PCDHGA4: variants seen among roughly 807,000 people sequenced by gnomAD.
The protein encoded by PCDHGA4 is protocadherin gamma subfamily A, 4, also known as protocadherin gamma-A4.
In PCDHGA4, 38 loss-of-function variants were observed where a neutral mutation model predicts 54.6. The ratio of observed to expected loss-of-function variants is 0.70; its 90% CI spans 0.54 to 0.91. The LOEUF (loss-of-function observed/expected upper bound fraction) is 0.91. Ranked by LOEUF, PCDHGA4 falls within the 40% of genes least tolerant of loss-of-function variation. The probability of loss-of-function intolerance (pLI) is 0.00; values close to 1 mark genes in which losing one functional copy is unlikely to be tolerated. For synonymous variants in PCDHGA4, 511 were observed against 512.9 expected (o/e 1.00, Z 0.05); for missense variants, 1,298 against 1,220.9 (o/e 1.06, Z -0.94).
intron 1 of PCDHGA4, chr5:141,419,499 G>A: frequency 6.2e-7 from 1 of 1,612,368 alleles, no homozygotes; most frequent in Non-Finnish European, 8.5e-7. Context: ...GCCAATGTGA[G>A]CCTGCGCGTG....
rs781026604 is a variant in PCDHGA4, at chr5:141,490,471, C to G, written c.2515-4336C>G. ...CCACTACTCGCTGCTAACCAGCCAG[C>G]CTTTGGACCGGGAGGCCACATCCCA... On this transcript the variant is annotated intron_variant, in intron 1 of 3. Coordinates refer to ENST00000571252, the MANE Select transcript of PCDHGA4 (RefSeq NM_018917.4). The surrounding 1 kb of genome is among the most constrained non-coding windows in gnomAD (Gnocchi z 5.4). 12 of 1,614,096 alleles carry G rather than the reference C, an allele frequency of 7.4e-6. No homozygotes were observed. The highest frequency in any genetic ancestry group is 1.1e-5 in the South Asian group (1 of 91,092).
Position 141,477,202 on chromosome 5 carries a change from C to G in PCDHGA4, c.2515-17605C>G. 1 of 1,614,182 alleles carries G rather than the reference C, an allele frequency of 6.2e-7. No homozygotes were observed. The highest frequency in any genetic ancestry group is 1.1e-5 in the South Asian group (1 of 91,074). On this transcript the variant is annotated intron_variant, in intron 1 of 3. Transcript: ENST00000571252. This position sits in a 1 kb window ranked among gnomAD's most constrained non-coding sequence, Gnocchi z 4.9. ...TCACCTCCGTGTACAGCCCAGTACC[C>G]GAGGATGCCCCTCTGGGGACTGTCA...
At position 141,433,275 on chromosome 5, in the gene PCDHGA4, C is replaced by G. The variant is rs1173546273; in HGVS notation, c.2515-61532C>G. 1.5e-5 allele frequency: 19 copies of G among 1,229,998 alleles called. No homozygotes were observed. In the East Asian group the frequency reaches 3.6e-4, roughly 23 times the overall value. The allele number at this position is 1,229,998 out of a possible 1,614,324, so 76.2% of individuals were successfully genotyped here. A position where few individuals can be genotyped will look rare whatever the true frequency, so the allele number is the denominator to read the frequency against. On this transcript the variant is annotated intron_variant, in intron 1 of 3. Transcript: ENST00000571252. ...GCGGTACGATCATAGCTCACTGCAG[C>G]CTCAAACTCCTAGGCTCAAGCAATT...
chr5:141,498,726 G>T (rs2099785379), intron 2 of PCDHGA4, among the ~76,000 whole-genome samples: 1 of 152,172 alleles, frequency 6.6e-6, no homozygotes, highest in Admixed American at 6.5e-5. Context: ...GAGGTCAGGA[G>T]TTTGAGACCA....
In PCDHGA4 at chr5:141,432,931, G is replaced by A. The variant is rs2097550450; in HGVS notation, c.2515-61876G>A. The A allele has an allele frequency of 6.2e-7, 1 of 1,614,198 alleles. No individual in the cohort carries two copies. The highest frequency in any genetic ancestry group is 2.2e-5 in the East Asian group (1 of 44,864). Reference sequence around the variant, plus strand: ...TGCGGCGCTGGCACAAGTCACGCCTGCTGCAGGCTTCAGGAGGCGGCTTGA... The same window carrying A: ...TGCGGCGCTGGCACAAGTCACGCCTACTGCAGGCTTCAGGAGGCGGCTTGA... On this transcript the variant is annotated intron_variant, in intron 1 of 3. Transcript: ENST00000571252. The surrounding 1 kb of genome is among the most constrained non-coding windows in gnomAD (Gnocchi z 6.0).
At chr5:141,393,168 G>T (rs1486915956) in intron 1 of PCDHGA4, 1 of 1,613,100 alleles carries the variant, frequency 6.2e-7, no homozygotes, top group Non-Finnish European at 8.5e-7. Context: ...ACTCTTTGGG[G>T]TAGAAATAGA....
At chr5:141,366,284 C>T in intron 1 of PCDHGA4, 1 of 1,613,714 alleles carries the variant, frequency 6.2e-7, no homozygotes, top group Non-Finnish European at 8.5e-7. Context: ...CCATGGCCAG[C>T]CCCCTCTGTC....
At chr5:141,372,612 C>T (rs773605439) in intron 1 of PCDHGA4, 2 of 1,614,004 alleles carry the variant, frequency 1.2e-6, no homozygotes, top group Non-Finnish European at 1.7e-6. Context: ...ACCTGGAGTT[C>T]TCCCCACCTA....
rs35224477 is a variant in PCDHGA4, at chr5:141,464,263, TA to T, written c.2515-30530del. On this transcript the variant is annotated intron_variant, in intron 1 of 3. Coordinates refer to ENST00000571252, the MANE Select transcript of PCDHGA4 (RefSeq NM_018917.4). ...CTGGGCTACAGAGCGAGACTCCGTC[TA>T]AAAAAAAAAAAAAGCAAAAAAAAAA... Among the ~76,000 whole-genome samples, 390 of 103,506 alleles carry T rather than the reference TA, an allele frequency of 3.8e-3. 1 individual carries two copies. Among genetic ancestry groups the T allele is most frequent in the Admixed American group, 4.7e-3 (45 of 9,486 alleles). 67.9% of individuals were successfully genotyped at this position (103,506 alleles called of 152,430 possible). A position where few individuals can be genotyped will look rare whatever the true frequency, so the allele number is the denominator to read the frequency against.
At position 141,486,190 on chromosome 5, in the gene PCDHGA4, T is replaced by A; in HGVS notation, c.2515-8617T>A. Reference sequence around the variant, plus strand: ...AGCAACATTGCAGCCTTCGAGTGGATCTGCTGGACGTAAATGACAATGCCC... The same window carrying A: ...AGCAACATTGCAGCCTTCGAGTGGAACTGCTGGACGTAAATGACAATGCCC... On this transcript the variant is annotated intron_variant, in intron 1 of 3. Transcript: ENST00000571252. The surrounding 1 kb of genome is among the most constrained non-coding windows in gnomAD (Gnocchi z 5.0). 1 of 1,614,122 alleles carries A rather than the reference T, an allele frequency of 6.2e-7. No individual in the cohort carries two copies. Among genetic ancestry groups the A allele is most frequent in the South Asian group, 1.1e-5 (1 of 91,070 alleles).
At chr5:141,383,373 G>A (rs759862188) in intron 1 of PCDHGA4, 2 of 1,614,030 alleles carry the variant, frequency 1.2e-6, no homozygotes, top group South Asian at 2.2e-5. Flanking sequence ...GCGAGGCTGG[G>A]GATCCAGATG....
intron 1 of PCDHGA4, chr5:141,365,756 G>C: frequency 6.2e-7 from 1 of 1,613,776 alleles, no homozygotes; most frequent in Non-Finnish European, 8.5e-7. Context: ...CTCTGTGACA[G>C]CCCATGACCC....
chr5:141,502,457 A>G lies in PCDHGA4; in HGVS notation c.2574-2936A>G, dbSNP rs950959171. 6.6e-5 allele frequency among the ~76,000 whole-genome samples: 10 copies of G among 151,926 alleles called. No individual in the cohort carries two copies. The South Asian group carries it at 1.7e-3, about 25-fold the overall frequency. On this transcript the variant is annotated intron_variant, in intron 2 of 3. Coordinates refer to ENST00000571252, the MANE Select transcript of PCDHGA4 (RefSeq NM_018917.4). The stretch of plus-strand genomic sequence containing the variant: ...TTAGATTCAGATTACACACCTTGGT[A>G]GGAATACTTCCCGCAGCATCACACT...
In PCDHGA4 at chr5:141,409,379, A is replaced by G. The variant is rs376174246; in HGVS notation, c.2514+51758A>G. On this transcript the variant is annotated intron_variant, in intron 1 of 3. Transcript: ENST00000571252. ...TAATATAGAAACAGACATTCCATTC[A>G]AGATTTATTCTTCTTCCAATAACTA... is the stretch of plus-strand genomic sequence containing the variant. The G allele has an allele frequency of 1.5e-5, 25 of 1,613,926 alleles. No homozygotes were observed. The highest frequency in any genetic ancestry group is 2.0e-5 in the Non-Finnish European group (24 of 1,179,908).
chr5:141,420,050 C>A, intron 1 of PCDHGA4: 1 of 1,614,076 alleles, frequency 6.2e-7, no homozygotes. Context: ...TGAGTCAGTT[C>A]TCTGCTCCAA....
At chr5:141,482,442 C>A (rs942933015) in intron 1 of PCDHGA4, among the ~76,000 whole-genome samples, 23 of 147,678 alleles carry the variant, frequency 1.6e-4, no homozygotes, top group African/African-American at 5.6e-4. Context: ...CTGATATTCA[C>A]CATTTATTAG....
intron 1 of PCDHGA4, chr5:141,400,271 C>G: frequency 1.2e-6 from 2 of 1,614,094 alleles, no homozygotes; most frequent in Non-Finnish European, 1.7e-6. Flanking sequence ...CGACGCTCCT[C>G]CAGCCCTGCC....
chr5:141,439,669 A>T (rs983024479), intron 1 of PCDHGA4, among the ~76,000 whole-genome samples: 4 of 152,174 alleles, frequency 2.6e-5, no homozygotes, highest in Non-Finnish European at 5.9e-5. Context: ...ATGGAATGCA[A>T]ATCCAAGAGC....
intron 1 of PCDHGA4, chr5:141,399,393 C>A: frequency 6.2e-7 from 1 of 1,613,976 alleles, no homozygotes; most frequent in Non-Finnish European, 8.5e-7. Flanking sequence ...CAGCCACAGA[C>A]AGGGGCAAGC....
Sources: gnomAD v4.1 joint callset for allele counts (sites outside exome capture counted in the v4.1 genomes callset) on GRCh38, gnomAD v4.1.1 for gene constraint, Gnocchi (gnomAD v3.1) non-coding constraint, MANE v1.5 for transcripts, NCBI Gene and HGNC (gene_info 2026-07-23, HGNC 2026-07-21) for gene names.